The following RABGAP1L variants were observed in gnomAD, a reference collection of about 807,000 sequenced individuals.
The protein encoded by RABGAP1L is rab GTPase-activating protein 1-like.
RABGAP1L carries 63 observed loss-of-function variants against 137.7 expected under a neutral mutation model. That is an observed-to-expected ratio of 0.46 (90% CI 0.37 to 0.56). RABGAP1L has a LOEUF of 0.56. Among genes scored for constraint, RABGAP1L ranks in the 20% least tolerant of loss-of-function variants. RABGAP1L has a pLI of 0.00. For missense variants in RABGAP1L, 1,095 were observed against 1,244.0 expected (o/e 0.88, Z 1.80); for synonymous variants, 431 against 433.7 (o/e 0.99, Z 0.08).
chr1:174,794,968 A>G (rs1688137251), intron 18 of RABGAP1L, among the ~76,000 whole-genome samples: 1 of 152,240 alleles, frequency 6.6e-6, no homozygotes, highest in Non-Finnish European at 1.5e-5. Context: ...ATGGAAATCT[A>G]TATGTGTCCT....
chr1:174,388,838 A>G (rs1010575800), intron 12 of RABGAP1L, among the ~76,000 whole-genome samples: 2 of 152,130 alleles, frequency 1.3e-5, no homozygotes, highest in Non-Finnish European at 2.9e-5. Flanking sequence ...GGATTATTAC[A>G]TCAAGTAAAG....
At chr1:174,748,963 G>A (rs1255314899) in intron 17 of RABGAP1L, among the ~76,000 whole-genome samples, 2 of 151,894 alleles carry the variant, frequency 1.3e-5, no homozygotes, top group Non-Finnish European at 2.9e-5. Flanking sequence ...GATCACTTGA[G>A]GTCAAAAGTT....
intron 17 of RABGAP1L, among the ~76,000 whole-genome samples, chr1:174,707,953 T>G (rs1175465166): frequency 6.6e-6 from 1 of 152,242 alleles, no homozygotes; most frequent in Non-Finnish European, 1.5e-5. Flanking sequence ...AGGAAAATAC[T>G]GGTATTTCTT....
chr1:174,549,441 A>T (rs1248209181), intron 13 of RABGAP1L, among the ~76,000 whole-genome samples: 2 of 152,208 alleles, frequency 1.3e-5, no homozygotes, highest in Non-Finnish European at 2.9e-5. Flanking sequence ...TGGATTTTAA[A>T]CATTGGAATG....
intron 20 of RABGAP1L, among the ~76,000 whole-genome samples, chr1:174,961,871 A>G (rs1160034786): frequency 2.2e-5 from 3 of 136,176 alleles, no homozygotes; most frequent in African/African-American, 8.3e-5. Context: ...AAAAAAAAAG[A>G]AACGACCAGG....
chr1:174,336,849 A>T (rs1367250777), intron 11 of RABGAP1L, among the ~76,000 whole-genome samples: 1 of 144,924 alleles, frequency 6.9e-6, no homozygotes, highest in African/African-American at 2.7e-5. Flanking sequence ...TTCAGTGTTT[A>T]TAAATGTGTG....
Position 174,362,728 on chromosome 1 carries a change from T to C in RABGAP1L, c.1466-8251T>C, listed in dbSNP as rs190854028. On this transcript the variant is annotated intron_variant, in intron 11 of 25. Coordinates refer to ENST00000681986, the MANE Select transcript of RABGAP1L (RefSeq NM_001366446.1). ...AAATGTTCTCCCATTCTGTAAATTG[T>C]CTGTTTACTCTGTTGATAGTGTTTT... Among the ~76,000 whole-genome samples the C allele has an allele frequency of 3.8e-3, 583 of 152,196 alleles. 4 individuals carry two copies. Among genetic ancestry groups the C allele is most frequent in the African/African-American group, 0.012 (503 of 41,448 alleles).
At chr1:174,502,608 G>GTGTGTATATATATGTACATATATA (rs1661406296) in intron 13 of RABGAP1L, among the ~76,000 whole-genome samples, 1 of 117,140 alleles carries the variant, frequency 8.5e-6, no homozygotes, top group Non-Finnish European at 1.8e-5. Context: ...GTACATATAT[G>GTGTGTATATATATGTACATATATA]TGTGTATATA....
chr1:174,246,159 G>A (rs921259228), intron 5 of RABGAP1L: 5 of 152,092 alleles, frequency 3.3e-5, no homozygotes, highest in South Asian at 2.1e-4. Flanking sequence ...TTAAAATTCC[G>A]CCGCAGTTAA....
At chr1:174,537,778 T>G (rs1039250395) in intron 13 of RABGAP1L, among the ~76,000 whole-genome samples, 1 of 152,204 alleles carries the variant, frequency 6.6e-6, no homozygotes, top group Non-Finnish European at 1.5e-5. Context: ...TATCAAGATC[T>G]TTTAAAGAAC....
intron 13 of RABGAP1L, among the ~76,000 whole-genome samples, chr1:174,617,238 C>G (rs1167376288): frequency 6.6e-6 from 1 of 152,178 alleles, no homozygotes; most frequent in African/African-American, 2.4e-5. Context: ...CAAGTTTCAG[C>G]TTTGCCCTAT....
chr1:174,909,520 C>A (rs1267226134), intron 19 of RABGAP1L, among the ~76,000 whole-genome samples: 1 of 152,018 alleles, frequency 6.6e-6, no homozygotes, highest in Non-Finnish European at 1.5e-5. Context: ...AGCCACTGTG[C>A]CCATCCTAAA....
chr1:174,679,819 G>A (rs1677914333), intron 14 of RABGAP1L, among the ~76,000 whole-genome samples: 1 of 152,164 alleles, frequency 6.6e-6, no homozygotes, highest in African/African-American at 2.4e-5. Context: ...TGGGAAGACA[G>A]TAAATTAATT....
chr1:174,710,133 G>A (rs981858091), intron 17 of RABGAP1L, among the ~76,000 whole-genome samples: 1 of 152,082 alleles, frequency 6.6e-6, no homozygotes, highest in African/African-American at 2.4e-5. Flanking sequence ...TGAAAAGGAA[G>A]AAACAAAGCC....
chr1:174,548,536 C>CA, intron 13 of RABGAP1L: 4 of 971,820 alleles, frequency 4.1e-6, no homozygotes, highest in Non-Finnish European at 4.9e-6. Flanking sequence ...GTAAGTTTTT[C>CA]AAAACAGTAA....
At chr1:174,306,344 T>A (rs1038997755) in intron 11 of RABGAP1L, among the ~76,000 whole-genome samples, 1 of 152,192 alleles carries the variant, frequency 6.6e-6, no homozygotes, top group Admixed American at 6.5e-5. Context: ...CACCACACTG[T>A]CTTCCACAAT....
At chr1:174,197,571 CGTCTGATCTCTTGTTTTT>C (rs1667787586) in intron 1 of RABGAP1L, among the ~76,000 whole-genome samples, 1 of 152,080 alleles carries the variant, frequency 6.6e-6, no homozygotes, top group Non-Finnish European at 1.5e-5. Context: ...TAGCACAATA[CGTCTGATCTCTTGTTTTT>C]AAAATATCTG....
intron 1 of RABGAP1L, among the ~76,000 whole-genome samples, chr1:174,215,192 C>T (rs976357953): frequency 6.6e-6 from 1 of 152,166 alleles, no homozygotes; most frequent in African/African-American, 2.4e-5. Context: ...TGCAGTGGCT[C>T]ACGCCTGTAA....
chr1:174,808,773 C>A (rs1171932960), intron 18 of RABGAP1L, among the ~76,000 whole-genome samples: 1 of 152,028 alleles, frequency 6.6e-6, no homozygotes, highest in Non-Finnish European at 1.5e-5. Context: ...CCTGCCTCAG[C>A]CTCCCAAGTA....
Sources: allele counts gnomAD v4.1 joint callset (sites outside exome capture counted in the v4.1 genomes callset), GRCh38; gene constraint gnomAD v4.1.1; transcripts MANE v1.5; gene names NCBI Gene and HGNC (gene_info 2026-07-23, HGNC 2026-07-21).